The following NENF variants were observed in gnomAD, a reference collection of about 807,000 sequenced individuals.
NENF encodes neudesin neurotrophic factor, also known as neudesin.
NENF carries 6 observed loss-of-function variants against 14.8 expected under a neutral mutation model. That is an observed-to-expected ratio of 0.40 (90% CI 0.22 to 0.80). The LOEUF (loss-of-function observed/expected upper bound fraction) is 0.80. Among genes scored for constraint, NENF ranks in the 30% least tolerant of loss-of-function variants. The pLI is 0.34. For synonymous variants in NENF, 76 were observed against 95.1 expected, an observed-to-expected ratio of 0.80 and a Z score of 1.17; for missense variants, 184 against 212.7, an observed-to-expected ratio of 0.87 and a Z score of 0.84.
chr1:212,444,054 AAAC>A (rs1230205027), intron 2 of NENF, among the ~76,000 whole-genome samples: 5 of 151,676 alleles, frequency 3.3e-5, no homozygotes, highest in Non-Finnish European at 7.4e-5. Flanking sequence ...TGTCAAAAAA[AAAC>A]AACAACAAAA....
At position 212,433,080 on chromosome 1, in the gene NENF, T is replaced by G; in HGVS notation, c.137T>G (p.Leu46Arg). The change falls in exon 1 of 4, where the codon CTT (leucine) becomes CGT (arginine). Residue 46 changes from leucine (L) to arginine (R), a missense_variant. Transcript: ENST00000366988. This position sits in a 1 kb window ranked among gnomAD's most constrained non-coding sequence, Gnocchi z 5.5. ...GCCGAGCGGGGGCCCCCAGTGCGGC[T>G]TTTCACCGAGGAGGAGCTGGCCCGC... ...RPAERGPPVR[L>R]FTEEELARYG... The G allele has an allele frequency of 8.4e-7, 1 of 1,195,272 alleles. No individual in the cohort carries two copies. The highest frequency in any genetic ancestry group is 1.0e-6 in the Non-Finnish European group (1 of 964,070). The allele number at this position is 1,195,272 out of a possible 1,614,324, so 74.0% of individuals were successfully genotyped here. A position where few individuals can be genotyped will look rare whatever the true frequency, so the allele number is the denominator to read the frequency against.
chr1:212,445,794 C>T (rs374254750), intron 3 of NENF, 36 bp from the exon 4 acceptor site: 2 of 1,610,594 alleles, frequency 1.2e-6, no homozygotes, highest in Non-Finnish European at 1.7e-6. Flanking sequence ...TCCACTTAAC[C>T]CCATCTCCTG....
At chr1:212,441,019 C>T (rs1379031809) in intron 1 of NENF, among the ~76,000 whole-genome samples, 5 of 152,046 alleles carry the variant, frequency 3.3e-5, no homozygotes. Flanking sequence ...ACCCATCGTC[C>T]CAGCCTGAGC....
At chr1:212,442,502 C>A in intron 1 of NENF, 63 bp from the exon 2 acceptor site, 1 of 1,253,334 alleles carries the variant, frequency 8.0e-7, no homozygotes, top group Non-Finnish European at 1.2e-6. Context: ...GAAGATTTTA[C>A]TAAGTTGCAC....
chr1:212,435,736 G>T (rs1662593023), intron 1 of NENF, among the ~76,000 whole-genome samples: 1 of 151,628 alleles, frequency 6.6e-6, no homozygotes, highest in African/African-American at 2.4e-5. Flanking sequence ...GTAGAGATGG[G>T]GTCTTCCTGT....
At chr1:212,441,001 G>C (rs1427094395) in intron 1 of NENF, among the ~76,000 whole-genome samples, 1 of 152,120 alleles carries the variant, frequency 6.6e-6, no homozygotes, top group Admixed American at 6.5e-5. Flanking sequence ...TGGGTGTCTT[G>C]GGACTGTACC....
At chr1:212,439,572 G>A (rs1162340371) in intron 1 of NENF, among the ~76,000 whole-genome samples, 6 of 150,076 alleles carry the variant, frequency 4.0e-5, no homozygotes, top group African/African-American at 1.5e-4. Flanking sequence ...TGCCGGGCGT[G>A]TTGCCTCATG....
chr1:212,443,899 A>G (rs1424747211), intron 2 of NENF, among the ~76,000 whole-genome samples: 2 of 151,828 alleles, frequency 1.3e-5, no homozygotes, highest in African/African-American at 4.8e-5. Context: ...AAATACAAAA[A>G]TTAGCTGGGC....
intron 1 of NENF, among the ~76,000 whole-genome samples, chr1:212,441,887 T>C (rs1037263843): frequency 2.0e-5 from 3 of 152,252 alleles, no homozygotes; most frequent in Non-Finnish European, 2.9e-5. Flanking sequence ...AAATATAAAA[T>C]AGATTGCTCA....
In NENF at chr1:212,434,398, CG is replaced by C. The variant is rs1211001505; in HGVS notation, c.177+1279del. Reference sequence around the variant, plus strand: ...TAACGGTGGACTCACTTGCCTAGGCCGTATATACAGATGGTGTGGTTAGTAT... The same window carrying C: ...TAACGGTGGACTCACTTGCCTAGGCCTATATACAGATGGTGTGGTTAGTAT... On this transcript the variant is annotated intron_variant, in intron 1 of 3. Transcript: ENST00000366988. 1.1e-4 allele frequency among the ~76,000 whole-genome samples: 17 copies of C among 152,276 alleles called. No individual in the cohort carries two copies. The East Asian group carries it at 3.1e-3, about 28-fold the overall frequency.
chr1:212,440,954 C>T (rs938826718), intron 1 of NENF, among the ~76,000 whole-genome samples: 4 of 152,200 alleles, frequency 2.6e-5, no homozygotes, highest in African/African-American at 7.2e-5. Context: ...TGCCCCTGCA[C>T]CTCTGATGGC....
chr1:212,439,863 C>T (rs11578276), intron 1 of NENF, among the ~76,000 whole-genome samples: 1 of 150,796 alleles, frequency 6.6e-6, no homozygotes, highest in African/African-American at 2.4e-5. Flanking sequence ...CCGTCCCCCC[C>T]CCACAAAAAA....
intron 3 of NENF, among the ~76,000 whole-genome samples, 165 bp from the exon 4 acceptor site, chr1:212,445,665 C>G (rs930882075): frequency 3.9e-5 from 6 of 152,056 alleles, no homozygotes; most frequent in Middle Eastern, 3.4e-3. Flanking sequence ...CCACGCCCCC[C>G]CCACAGCAGT....
At chr1:212,437,206 C>A (rs1662613722) in intron 1 of NENF, among the ~76,000 whole-genome samples, 1 of 152,064 alleles carries the variant, frequency 6.6e-6, no homozygotes, top group South Asian at 2.1e-4. Flanking sequence ...CAGAAAAACC[C>A]AGCTTGATCT....
chr1:212,435,436 A>G (rs1662587933), intron 1 of NENF, among the ~76,000 whole-genome samples: 1 of 152,046 alleles, frequency 6.6e-6, no homozygotes, highest in Non-Finnish European at 1.5e-5. Flanking sequence ...AGAGCCTGGC[A>G]ATCCTGGGCC....
rs1022461761 is a variant in NENF, at chr1:212,432,938, C to T, written c.-6C>T. 1.4e-4 allele frequency: 106 copies of T among 774,006 alleles called. No homozygotes were observed. Among genetic ancestry groups the T allele is most frequent in the Non-Finnish European group, 1.7e-4 (102 of 616,806 alleles). The allele number at this position is 774,006 out of a possible 1,614,324, so 47.9% of individuals were successfully genotyped here. A position where few individuals can be genotyped will look rare whatever the true frequency, so the allele number is the denominator to read the frequency against. ...GCCCGGCCTTGCCTTGCGCTGCGCG[C>T]TCACCATGGTGGGCCCCGCGCCGCG... On this transcript the variant is annotated 5_prime_UTR_variant, in exon 1 of 4. Coordinates refer to ENST00000366988, the MANE Select transcript of NENF (RefSeq NM_013349.5).
At chr1:212,444,187 C>A in intron 2 of NENF, 152 bp from the exon 3 acceptor site, 1 of 448,120 alleles carries the variant, frequency 2.2e-6, no homozygotes, top group Non-Finnish European at 4.0e-6. Flanking sequence ...GGGTGGCTTA[C>A]TGGACTTTGT....
At chr1:212,441,738 A>G (rs972716204) in intron 1 of NENF, among the ~76,000 whole-genome samples, 7 of 151,946 alleles carry the variant, frequency 4.6e-5, no homozygotes, top group Non-Finnish European at 7.4e-5. Context: ...GTGAGCTGAC[A>G]TTGCGCCATT....
At chr1:212,439,688 C>CAAAAAAAAAAAAAA (rs1218927992) in intron 1 of NENF, among the ~76,000 whole-genome samples, 2 of 60,922 alleles carry the variant, frequency 3.3e-5, no homozygotes, top group African/African-American at 1.4e-4. Flanking sequence ...ACTAAATATA[C>CAAAAAAAAAAAAAA]AAAAAAAAAA....
Sources: allele counts gnomAD v4.1 joint callset (sites outside exome capture counted in the v4.1 genomes callset), GRCh38; gene constraint gnomAD v4.1.1; non-coding constraint Gnocchi (gnomAD v3.1); transcripts MANE v1.5; gene names NCBI Gene and HGNC (gene_info 2026-07-23, HGNC 2026-07-21).